UNC5C: variants seen among roughly 807,000 people sequenced by gnomAD.
The protein encoded by UNC5C is unc-5 netrin receptor C, also known as netrin receptor UNC5C.
A neutral mutation model predicts 99.8 loss-of-function variants in UNC5C; 47 were observed. That is an observed-to-expected ratio of 0.47 (90% confidence interval 0.37 to 0.60). The LOEUF is 0.60. UNC5C is among the 20% of genes least tolerant of loss of function. The pLI is 0.00. For missense variants in UNC5C, 1,062 were observed against 1,165.9 expected (o/e 0.91, Z 1.30); for synonymous variants, 487 against 452.2 (o/e 1.08, Z -0.98).
chr4:95,269,149 A>C (rs1435200601), intron 4 of UNC5C, among the ~76,000 whole-genome samples: 1 of 152,232 alleles, frequency 6.6e-6, no homozygotes. Context: ...AGCTTTAAAA[A>C]ATCTCGATAA....
intron 1 of UNC5C, among the ~76,000 whole-genome samples, chr4:95,472,431 A>G (rs1027928401): frequency 1.3e-5 from 2 of 152,168 alleles, no homozygotes; most frequent in African/African-American, 4.8e-5. Context: ...TTTCAACTAC[A>G]TAACTTTTAA....
At chr4:95,357,676 C>CAGCTACTGGGA (rs1409319509) in intron 1 of UNC5C, among the ~76,000 whole-genome samples, 2 of 151,958 alleles carry the variant, frequency 1.3e-5, no homozygotes, top group Non-Finnish European at 2.9e-5. Context: ...CCTGTGGTCT[C>CAGCTACTGGGA]AGCTACTGGG....
intron 1 of UNC5C, among the ~76,000 whole-genome samples, chr4:95,524,395 T>C (rs1003622096): frequency 6.6e-6 from 1 of 152,224 alleles, no homozygotes; most frequent in Admixed American, 6.5e-5. Flanking sequence ...TTATTATTGC[T>C]GCTGTTAGGG....
At chr4:95,454,666 T>C (rs1218419034) in intron 1 of UNC5C, among the ~76,000 whole-genome samples, 1 of 151,852 alleles carries the variant, frequency 6.6e-6, no homozygotes, top group African/African-American at 2.4e-5. Context: ...GAGGAAGAGG[T>C]AGATTAGGAG....
intron 1 of UNC5C, among the ~76,000 whole-genome samples, chr4:95,452,930 G>A (rs1747318302): frequency 6.6e-6 from 1 of 152,120 alleles, no homozygotes; most frequent in South Asian, 2.1e-4. Flanking sequence ...TTTGTTGTGG[G>A]CAATCTGCCC....
intron 1 of UNC5C, among the ~76,000 whole-genome samples, chr4:95,440,607 G>A (rs531649397): frequency 1.3e-5 from 2 of 151,940 alleles, no homozygotes; most frequent in South Asian, 4.2e-4. Flanking sequence ...TAATTTTAAG[G>A]CATTCTAGGT....
chr4:95,359,980 T>C (rs998089668), intron 1 of UNC5C, among the ~76,000 whole-genome samples: 1 of 152,140 alleles, frequency 6.6e-6, no homozygotes, highest in African/African-American at 2.4e-5. Flanking sequence ...GTCCATTAAC[T>C]TGCCCAATGT....
At chr4:95,240,028 T>G (rs1007248264) in intron 7 of UNC5C, among the ~76,000 whole-genome samples, 2 of 152,214 alleles carry the variant, frequency 1.3e-5, no homozygotes, top group Non-Finnish European at 2.9e-5. Context: ...TTGTAGTTCT[T>G]ACCTGGTTCA....
At position 95,548,859 on chromosome 4, in the gene UNC5C, G is replaced by C. The variant is rs368716111; in HGVS notation, c.-2C>G. 315 of 1,612,588 alleles carry C rather than the reference G, an allele frequency of 2.0e-4. No homozygotes were observed. The highest frequency in any genetic ancestry group is 2.6e-4 in the Non-Finnish European group (302 of 1,179,724). On this transcript the variant is annotated 5_prime_UTR_variant, in exon 1 of 16. Transcript: ENST00000453304. ...TGTCGCCCGCAGACCTTTCCTCATCGTAGACAGAGGTGTGCCGGGGGGAGG... is the reference window on the plus strand; with the variant it reads ...TGTCGCCCGCAGACCTTTCCTCATCCTAGACAGAGGTGTGCCGGGGGGAGG...
intron 2 of UNC5C, among the ~76,000 whole-genome samples, chr4:95,335,123 G>T (rs1743282431): frequency 6.6e-6 from 1 of 151,888 alleles, no homozygotes; most frequent in African/African-American, 2.4e-5. Flanking sequence ...ATTTGCTTGG[G>T]CATTTAACAT....
chr4:95,188,115 T>G lies in UNC5C; in HGVS notation c.2137-2919A>C, dbSNP rs139302126. On this transcript the variant is annotated intron_variant, in intron 12 of 15. Coordinates refer to ENST00000453304, the MANE Select transcript of UNC5C (RefSeq NM_003728.4). ...TTAGCATAAAGCTAAGTACTAATAC[T>G]GTATTTTTTTTGGTCCCAGTGGTTC... is the stretch of plus-strand genomic sequence containing the variant. Among the ~76,000 whole-genome samples, 5 of 152,316 alleles carry G rather than the reference T, an allele frequency of 3.3e-5. No individual in the cohort carries two copies. In the East Asian group the frequency reaches 9.6e-4, roughly 29 times the overall value.
At chr4:95,174,469 C>A (rs1005236267) in intron 14 of UNC5C, among the ~76,000 whole-genome samples, 26 of 152,080 alleles carry the variant, frequency 1.7e-4, no homozygotes, top group African/African-American at 6.3e-4. Flanking sequence ...TTTCAAAGAA[C>A]ATCTTTATTT....
chr4:95,266,393 T>G (rs977372179), intron 4 of UNC5C, among the ~76,000 whole-genome samples: 2 of 152,210 alleles, frequency 1.3e-5, no homozygotes, highest in African/African-American at 4.8e-5. Flanking sequence ...GTTCTCAAAA[T>G]ACTAACATGA....
chr4:95,178,536 A>G (rs1365391756), intron 14 of UNC5C, among the ~76,000 whole-genome samples: 1 of 152,220 alleles, frequency 6.6e-6, no homozygotes, highest in Admixed American at 6.5e-5. Context: ...CCCACACACA[A>G]GAAGCTACTC....
chr4:95,343,636 C>T (rs1294330577), intron 1 of UNC5C, among the ~76,000 whole-genome samples: 1 of 151,908 alleles, frequency 6.6e-6, no homozygotes, highest in African/African-American at 2.4e-5. Context: ...GATATATGAC[C>T]TTTCAGAGAA....
In UNC5C at chr4:95,314,693, C is replaced by G. The variant is rs73837544; in HGVS notation, c.347-12944G>C. ...TCACTTTCCAACTAGAATGTGAGCC[C>G]CCTCAGGGAGCTCTCTAGCTGCTAT... On this transcript the variant is annotated intron_variant, in intron 2 of 15. Coordinates refer to ENST00000453304, the MANE Select transcript of UNC5C (RefSeq NM_003728.4). Among the ~76,000 whole-genome samples the G allele has an allele frequency of 5.1e-3, 778 of 152,204 alleles. 6 individuals carry two copies. The highest frequency in any genetic ancestry group is 0.018 in the African/African-American group (756 of 41,536).
At chr4:95,179,468 C>T (rs977896951) in intron 14 of UNC5C, among the ~76,000 whole-genome samples, 3 of 152,088 alleles carry the variant, frequency 2.0e-5, no homozygotes, top group Admixed American at 6.6e-5. Context: ...TAGATGAGAA[C>T]GGGCGTGGTG....
chr4:95,536,385 AT>A (rs558327982), intron 1 of UNC5C, among the ~76,000 whole-genome samples: 13 of 151,148 alleles, frequency 8.6e-5, no homozygotes, highest in South Asian at 4.2e-4. Flanking sequence ...CACTCAATAT[AT>A]TTTTTTTTAG....
chr4:95,363,950 T>C (rs1684948491), intron 1 of UNC5C, among the ~76,000 whole-genome samples: 1 of 152,140 alleles, frequency 6.6e-6, no homozygotes, highest in Non-Finnish European at 1.5e-5. Flanking sequence ...TGAACTATAC[T>C]GGGCAAAGTG....
Sources: gnomAD v4.1 joint callset for allele counts (sites outside exome capture counted in the v4.1 genomes callset) on GRCh38, gnomAD v4.1.1 for gene constraint, MANE v1.5 for transcripts, NCBI Gene and HGNC (gene_info 2026-07-23, HGNC 2026-07-21) for gene names.